Variants in NAGK observed in about 807,000 individuals in gnomAD.
NAGK encodes the protein N-acetyl-D-glucosamine kinase.
A neutral mutation model predicts 42.9 loss-of-function variants in NAGK; 35 were observed. That is an observed-to-expected ratio of 0.82 (90% CI 0.62 to 1.08). NAGK has a LOEUF of 1.08. NAGK is among the 50% of genes least tolerant of loss of function. The probability of loss-of-function intolerance (pLI) is 0.00; values close to 1 mark genes in which losing one functional copy is unlikely to be tolerated. For missense variants in NAGK, 446 were observed against 446.0 expected, an observed-to-expected ratio of 1.00 and a Z score of 0.00; for synonymous variants, 172 against 176.0, an observed-to-expected ratio of 0.98 and a Z score of 0.18.
chr2:71,078,082 A>G (rs1279139922), intron 9 of NAGK, among the ~76,000 whole-genome samples: 2 of 152,170 alleles, frequency 1.3e-5, no homozygotes, highest in Non-Finnish European at 2.9e-5. Context: ...CATTGCTACC[A>G]TGGAATTCCT....
rs1185889505 is a variant in NAGK, at chr2:71,079,372, A to C, written c.*864A>C. The C allele has an allele frequency of 6.6e-6, 1 of 152,236 alleles. No homozygotes were observed. Among genetic ancestry groups the C allele is most frequent in the Admixed American group, 6.5e-5 (1 of 15,286 alleles). The allele number at this position is 152,236 out of a possible 1,614,324, so 9.4% of individuals were successfully genotyped here. ...GTGCTGCTTGGTGAAGACTAAGGAC[A>C]GGAGTCTCGATCCACAATAGCTGCC... On this transcript the variant is annotated 3_prime_UTR_variant, in exon 10 of 10. Transcript: ENST00000244204.
chr2:71,075,685 A>G (rs1161413646), intron 7 of NAGK, 43 bp downstream of exon 7: 1 of 1,549,028 alleles, frequency 6.5e-7, no homozygotes, highest in Non-Finnish European at 8.9e-7. Context: ...TTTGTTCTCC[A>G]AAGATCCCCA....
At chr2:71,077,460 A>G in intron 8 of NAGK, 98 bp from the exon 9 acceptor site, 2 of 1,167,972 alleles carry the variant, frequency 1.7e-6, no homozygotes, top group South Asian at 1.3e-5. Flanking sequence ...CTTGAGGGCG[A>G]GTAACTGGGA....
chr2:71,071,907 T>C (rs1672027615), intron 4 of NAGK, 80 bp downstream of exon 4: 3 of 1,539,226 alleles, frequency 1.9e-6, no homozygotes, highest in Non-Finnish European at 2.6e-6. Flanking sequence ...CAAAACTTGT[T>C]CTGCAAATAT....
At chr2:71,068,515 C>T (rs1387644521), upstream of NAGK, 2 of 1,446,930 alleles carry the variant, frequency 1.4e-6, no homozygotes, top group African/African-American at 1.5e-5. Flanking sequence ...ACGCAGCCAT[C>T]CCCGGCTCCT....
chr2:71,070,980 C>A, intron 3 of NAGK, 141 bp downstream of exon 3: 1 of 847,702 alleles, frequency 1.2e-6, no homozygotes, highest in Non-Finnish European at 1.9e-6. Flanking sequence ...CATAATCTCA[C>A]CCAGTCTCAT....
At chr2:71,077,408 C>T (rs1672251641) in intron 8 of NAGK, 150 bp from the exon 9 acceptor site, 2 of 678,558 alleles carry the variant, frequency 2.9e-6, no homozygotes, top group Non-Finnish European at 5.1e-6. Context: ...ATTTTCCTCC[C>T]TTTTTTTTTC....
chr2:71,073,733 T>C (rs1290765466), intron 6 of NAGK, 139 bp downstream of exon 6: 10 of 758,862 alleles, frequency 1.3e-5, no homozygotes, highest in Non-Finnish European at 2.3e-5. Context: ...CAGGGTGAAG[T>C]CATAGGTGAG....
intron 6 of NAGK, 130 bp from the exon 7 acceptor site, chr2:71,075,425 G>A: frequency 1.5e-6 from 1 of 656,380 alleles, no homozygotes; most frequent in African/African-American, 1.8e-5. Flanking sequence ...TCAAATCCCT[G>A]TACTTTGGAG....
At position 71,078,777 on chromosome 2, in the gene NAGK, C is replaced by A; in HGVS notation, c.*269C>A. ...CAGGTGCTCAGCCTGTGATCTGTATCCACTCAGCATGCACTTGGGCAGATG... is the reference window on the plus strand; with the variant it reads ...CAGGTGCTCAGCCTGTGATCTGTATACACTCAGCATGCACTTGGGCAGATG... On this transcript the variant is annotated 3_prime_UTR_variant, in exon 10 of 10. Transcript: ENST00000244204. The A allele has an allele frequency of 2.4e-6, 1 of 413,126 alleles. No individual in the cohort carries two copies. The highest frequency in any genetic ancestry group is 4.4e-6 in the Non-Finnish European group (1 of 229,412). The allele number at this position is 413,126 out of a possible 1,614,324, so 25.6% of individuals were successfully genotyped here.
intron 3 of NAGK, 100 bp from the exon 4 acceptor site, chr2:71,071,586 A>G (rs1672003412): frequency 2.1e-6 from 3 of 1,454,456 alleles, no homozygotes. Context: ...GGGTATGGCC[A>G]GATGGGGAGA....
At chr2:71,076,740 T>A in intron 8 of NAGK, 39 bp downstream of exon 8, 1 of 1,540,668 alleles carries the variant, frequency 6.5e-7, no homozygotes, top group Non-Finnish European at 9.0e-7. Context: ...AGCTGCTGGG[T>A]GAGGAGTGGT....
chr2:71,068,875 C>CAGCT (rs1194605567), intron 1 of NAGK, 163 bp downstream of exon 1: 1 of 1,359,074 alleles, frequency 7.4e-7, no homozygotes, highest in Non-Finnish European at 9.4e-7. Context: ...CTGGAGCGCA[C>CAGCT]AGCTGTATGC....
rs769192931 is a variant in NAGK, at chr2:71,075,514, C to T, written c.580-41C>T. The T allele has an allele frequency of 1.1e-5, 17 of 1,528,240 alleles. No homozygotes were observed. In the East Asian group the frequency reaches 3.8e-4, roughly 34 times the overall value. The allele number at this position is 1,528,240 out of a possible 1,614,324, so 94.7% of individuals were successfully genotyped here. On this transcript the variant is annotated intron_variant, in intron 6 of 9. Coordinates refer to ENST00000244204, the MANE Select transcript of NAGK (RefSeq NM_017567.6). Reference sequence around the variant, plus strand: ...TTTGGTGGGCAGATTGGGGATTTTCCTTTGCTTCTGATGACTCTCTTGTGC... The same window carrying T: ...TTTGGTGGGCAGATTGGGGATTTTCTTTTGCTTCTGATGACTCTCTTGTGC...
chr2:71,068,566 T>G (rs913143417), upstream of NAGK: 37 of 1,513,898 alleles, frequency 2.4e-5, no homozygotes, highest in Middle Eastern at 2.1e-4. Flanking sequence ...GCACAGGGAG[T>G]CAGCTGGCTG....
rs1472537306 is a variant in NAGK at position 71,079,105 on chromosome 2, TG to T, written c.*598del. 1 of 152,454 alleles carries T rather than the reference TG, an allele frequency of 6.6e-6. No individual in the cohort carries two copies. Among genetic ancestry groups the T allele is most frequent in the African/African-American group, 2.4e-5 (1 of 41,466 alleles). 9.4% of individuals were successfully genotyped at this position (152,454 alleles called of 1,614,324 possible). On this transcript the variant is annotated 3_prime_UTR_variant, in exon 10 of 10. Transcript: ENST00000244204. ...GCAGGACATTTTGAAGTTTTTCCTATGAATGAGTTTTTGAAAGGTTATGAGG... is the reference window on the plus strand; with the variant it reads ...GCAGGACATTTTGAAGTTTTTCCTATAATGAGTTTTTGAAAGGTTATGAGG...
At chr2:71,071,572 A>C in intron 3 of NAGK, 114 bp from the exon 4 acceptor site, 1 of 1,394,824 alleles carries the variant, frequency 7.2e-7, no homozygotes, top group Non-Finnish European at 9.5e-7. Context: ...GGGCTGGGTG[A>C]ACAGGGTATG....
At chr2:71,075,703 G>C in intron 7 of NAGK, 61 bp downstream of exon 7, 3 of 1,482,010 alleles carry the variant, frequency 2.0e-6, no homozygotes, top group Non-Finnish European at 1.9e-6. Flanking sequence ...CCAGTTGGGA[G>C]ATTGAGTGGG....
Position 71,078,417 on chromosome 2 carries a change from G to T in NAGK, c.944G>T (p.Gly315Val), listed in dbSNP as rs1169305196. 2.5e-6 allele frequency: 4 copies of T among 1,613,888 alleles called. No homozygotes were observed. The highest frequency in any genetic ancestry group is 3.4e-6 in the Non-Finnish European group (4 of 1,179,954). ...MKLRHSSALG[G>V]ASLGARHIGH... is the part of the protein sequence containing the mutation. Reference sequence around the variant, plus strand: ...CTGAGGCACTCCTCCGCTCTGGGTGGGGCCAGCCTAGGGGCCAGGCACATC... The same window carrying T: ...CTGAGGCACTCCTCCGCTCTGGGTGTGGCCAGCCTAGGGGCCAGGCACATC... Residue 315 changes from glycine to valine, a missense_variant, in exon 10 of 10, where the codon GGG (glycine) becomes GTG (valine). Gly to Val is a moderately radical substitution (Grantham distance 109, BLOSUM62 -3). Coordinates refer to ENST00000244204, the MANE Select transcript of NAGK (RefSeq NM_017567.6).
Sources: allele counts gnomAD v4.1 joint callset (sites outside exome capture counted in the v4.1 genomes callset), GRCh38; gene constraint gnomAD v4.1.1; transcripts MANE v1.5; gene names NCBI Gene and HGNC (gene_info 2026-07-23, HGNC 2026-07-21).